Variants in TNFAIP8 observed in about 807,000 individuals in gnomAD.
TNFAIP8 encodes the protein tumor necrosis factor alpha-induced protein 8.
TNFAIP8 carries 7 observed loss-of-function variants against 13.3 expected under a neutral mutation model. The ratio of observed to expected loss-of-function variants is 0.52; its 90% confidence interval spans 0.30 to 0.99. TNFAIP8 has a LOEUF of 0.99. Among genes scored for constraint, TNFAIP8 ranks in the 50% least tolerant of loss-of-function variants. The pLI is 0.07. For missense variants in TNFAIP8, 258 were observed against 236.9 expected (o/e 1.09, Z -0.58); for synonymous variants, 94 against 87.6 (o/e 1.07, Z -0.41).
intron 1 of TNFAIP8, among the ~76,000 whole-genome samples, chr5:119,287,363 G>A (rs973405169): frequency 2.0e-5 from 3 of 148,446 alleles, no homozygotes; most frequent in Non-Finnish European, 4.4e-5. Flanking sequence ...TATTCAAGGG[G>A]TAGAATGTGA....
At chr5:119,281,770 T>A (rs561568615) in intron 1 of TNFAIP8, among the ~76,000 whole-genome samples, 1 of 152,350 alleles carries the variant, frequency 6.6e-6, no homozygotes, top group East Asian at 1.9e-4. Flanking sequence ...TTATCACTTG[T>A]CCTCATATCA....
At chr5:119,282,623 G>C (rs886515794) in intron 1 of TNFAIP8, among the ~76,000 whole-genome samples, 4 of 152,204 alleles carry the variant, frequency 2.6e-5, no homozygotes, top group Non-Finnish European at 5.9e-5. Flanking sequence ...CCCCACGCCT[G>C]CTTGCCCTTT....
chr5:119,311,252 G>T (rs2112670872), intron 1 of TNFAIP8, among the ~76,000 whole-genome samples: 1 of 152,126 alleles, frequency 6.6e-6, no homozygotes, highest in South Asian at 2.1e-4. Flanking sequence ...TTGAACCCTT[G>T]GGCTCAAGTG....
chr5:119,393,429 G>A lies in TNFAIP8; in HGVS notation c.*48G>A. On this transcript the variant is annotated 3_prime_UTR_variant, in exon 2 of 2. Transcript: ENST00000504771. ...TGATCATGATTTATTTGAAGATGGA[G>A]CACTGCTGATTTATGAAGGAAAAAA... The A allele has an allele frequency of 2.0e-6, 3 of 1,500,888 alleles. No homozygotes were observed. Among genetic ancestry groups the A allele is most frequent in the Non-Finnish European group, 2.7e-6 (3 of 1,101,972 alleles). The allele number at this position is 1,500,888 out of a possible 1,614,324, so 93.0% of individuals were successfully genotyped here.
chr5:119,386,675 G>A (rs1298040305), intron 1 of TNFAIP8, among the ~76,000 whole-genome samples: 2 of 152,162 alleles, frequency 1.3e-5, no homozygotes, highest in African/African-American at 2.4e-5. Context: ...CTGTAATGGT[G>A]CCTGTCACTG....
intron 1 of TNFAIP8, among the ~76,000 whole-genome samples, chr5:119,379,448 C>T (rs951255843): frequency 6.6e-6 from 1 of 152,060 alleles, no homozygotes; most frequent in Non-Finnish European, 1.5e-5. Context: ...TTGGAAGGGG[C>T]GGCATTTACA....
chr5:119,319,340 C>T (rs757023143), intron 1 of TNFAIP8, among the ~76,000 whole-genome samples: 4 of 152,272 alleles, frequency 2.6e-5, no homozygotes, highest in Admixed American at 6.5e-5. Flanking sequence ...TTTCTTCTGG[C>T]TTTGGAGTTT....
intron 1 of TNFAIP8, among the ~76,000 whole-genome samples, chr5:119,294,914 T>C (rs963120360): frequency 6.6e-6 from 1 of 151,818 alleles, no homozygotes; most frequent in African/African-American, 2.4e-5. Context: ...TAAATTTGTT[T>C]GAGTTCATTG....
At position 119,397,738 on chromosome 5, in the gene TNFAIP8, A is replaced by G. The variant is rs978221565; in HGVS notation, c.*4357A>G. 1.3e-5 allele frequency: 2 copies of G among 152,230 alleles called. No individual in the cohort carries two copies. Among genetic ancestry groups the G allele is most frequent in the Non-Finnish European group, 2.9e-5 (2 of 68,040 alleles). 9.4% of individuals were successfully genotyped at this position (152,230 alleles called of 1,614,324 possible). On this transcript the variant is annotated 3_prime_UTR_variant, in exon 2 of 2. Coordinates refer to ENST00000504771, the MANE Select transcript of TNFAIP8 (RefSeq NM_014350.4). ...TGATGCAACAGGAAAACCTTTAACT[A>G]CTTATAATCCCGTATAGTCACCATC...
chr5:119,311,813 C>T (rs556165313), intron 1 of TNFAIP8, among the ~76,000 whole-genome samples: 1 of 152,002 alleles, frequency 6.6e-6, no homozygotes, highest in East Asian at 1.9e-4. Flanking sequence ...TGGGTGTTCA[C>T]CCGTGAAGGA....
chr5:119,275,934 T>C (rs1018047328), intron 1 of TNFAIP8, among the ~76,000 whole-genome samples: 3 of 152,092 alleles, frequency 2.0e-5, no homozygotes, highest in Non-Finnish European at 4.4e-5. Flanking sequence ...CCAGGTTTGC[T>C]GCCCTGGAGT....
chr5:119,294,249 A>G (rs1432563754), intron 1 of TNFAIP8, among the ~76,000 whole-genome samples: 3 of 122,694 alleles, frequency 2.4e-5, no homozygotes, highest in African/African-American at 6.4e-5. Flanking sequence ...TCCCGTGTCC[A>G]TGTGTTCTCA....
intron 1 of TNFAIP8, among the ~76,000 whole-genome samples, chr5:119,341,351 G>A (rs10052899): frequency 0.16 from 24,028 of 152,046 alleles, 3,354 homozygotes; most frequent in African/African-American, 0.38. Context: ...CAAGTCGTGA[G>A]ACCTGTGGTA....
intron 1 of TNFAIP8, among the ~76,000 whole-genome samples, chr5:119,271,148 CAG>C (rs1748281617): frequency 6.6e-6 from 1 of 152,178 alleles, no homozygotes; most frequent in South Asian, 2.1e-4. Context: ...AGGCCAGGAA[CAG>C]AGTATTTTAT....
intron 1 of TNFAIP8, among the ~76,000 whole-genome samples, chr5:119,339,457 GTTTTTTT>G (rs397884992): frequency 1.7e-5 from 2 of 116,214 alleles, no homozygotes; most frequent in Non-Finnish European, 3.6e-5. Context: ...CTCTTGTGGT[GTTTTTTT>G]TTTTTTTTTT....
intron 1 of TNFAIP8, among the ~76,000 whole-genome samples, chr5:119,269,517 C>G (rs1748208866): frequency 6.6e-6 from 1 of 152,162 alleles, no homozygotes; most frequent in Non-Finnish European, 1.5e-5. Flanking sequence ...GCAAAGACAC[C>G]TGATGAGCGC....
chr5:119,363,143 G>A (rs998987238), intron 1 of TNFAIP8, among the ~76,000 whole-genome samples: 11 of 152,222 alleles, frequency 7.2e-5, no homozygotes, highest in African/African-American at 2.7e-4. Context: ...AACAAGGAGA[G>A]CATGGGGCCT....
At chr5:119,379,517 G>A (rs59406275) in intron 1 of TNFAIP8, among the ~76,000 whole-genome samples, 14,971 of 152,162 alleles carry the variant, frequency 0.098, 1,028 homozygotes, top group African/African-American at 0.21. Context: ...GAAGGTGAAG[G>A]CAGATATATA....
In TNFAIP8 at chr5:119,292,645, CATATATATATATATAT is replaced by C. The variant is rs56896742; in HGVS notation, c.1+23764_1+23779del. 3.5e-3 allele frequency among the ~76,000 whole-genome samples: 114 copies of C among 32,820 alleles called. 8 individuals are homozygous for C. The highest frequency in any genetic ancestry group is 4.7e-3 in the South Asian group (2 of 430). The allele number at this position is 32,820 out of a possible 152,430, so 21.5% of individuals were successfully genotyped here. A position where few individuals can be genotyped will look rare whatever the true frequency, so the allele number is the denominator to read the frequency against. On this transcript the variant is annotated intron_variant, in intron 1 of 1. Coordinates refer to the TNFAIP8 transcript ENST00000274456. Reference sequence around the variant, plus strand: ...ATTAGTGAATGAATAATCAATGTAGCATATATATATATATATATATATATATATATATATATATATA... The same window carrying C: ...ATTAGTGAATGAATAATCAATGTAGCATATATATATATATATATATATATA...
Sources: gnomAD v4.1 joint callset for allele counts (sites outside exome capture counted in the v4.1 genomes callset) on GRCh38, gnomAD v4.1.1 for gene constraint, MANE v1.5 for transcripts, NCBI Gene and HGNC (gene_info 2026-07-23, HGNC 2026-07-21) for gene names.